The following SPATA6L variants were observed in gnomAD, a reference collection of about 807,000 sequenced individuals.
SPATA6L encodes spermatogenesis associated 6 like, also known as spermatogenesis associated 6-like protein.
Under a neutral mutation model 49.2 loss-of-function variants are expected in SPATA6L, and 68 were observed. The ratio of observed to expected loss-of-function variants is 1.38; its 90% CI spans 1.14 to 1.69. SPATA6L has a LOEUF of 1.69. Ranked by LOEUF, SPATA6L falls within the 40% of genes most tolerant of loss-of-function variation. The pLI is 0.00. For synonymous variants in SPATA6L, 198 were observed against 165.7 expected (o/e 1.19, Z -1.50); for missense variants, 668 against 464.3 (o/e 1.44, Z -4.03).
At position 4,600,111 on chromosome 9, in the gene SPATA6L, T is replaced by C. The variant is rs917795485; in HGVS notation, c.*700A>G. On this transcript the variant is annotated 3_prime_UTR_variant, in exon 12 of 12. Coordinates refer to ENST00000682582, the MANE Select transcript of SPATA6L (RefSeq NM_001353486.2). ...ATGTGTAGTTCTTTTGGAGAAATAT[T>C]TGAGGAAGGTTTTGTTCCTCATCTA... Among the ~76,000 whole-genome samples, 1 of 152,160 alleles carries C rather than the reference T, an allele frequency of 6.6e-6. No homozygotes were observed. The highest frequency in any genetic ancestry group is 2.4e-5 in the African/African-American group (1 of 41,414).
chr9:4,650,770 C>T (rs1836638976), intron 3 of SPATA6L, among the ~76,000 whole-genome samples: 1 of 151,734 alleles, frequency 6.6e-6, no homozygotes, highest in Non-Finnish European at 1.5e-5. Context: ...AGCAATTCTT[C>T]CACTTCACCC....
intron 3 of SPATA6L, among the ~76,000 whole-genome samples, chr9:4,652,196 G>C (rs1564308188): frequency 6.6e-6 from 1 of 152,112 alleles, no homozygotes; most frequent in African/African-American, 2.4e-5. Context: ...CAAGGCAGGA[G>C]GATCACCTGA....
intron 11 of SPATA6L, among the ~76,000 whole-genome samples, chr9:4,602,968 T>C (rs948939930): frequency 3.9e-5 from 6 of 152,136 alleles, no homozygotes; most frequent in Non-Finnish European, 8.8e-5. Flanking sequence ...TCAGGCCGCA[T>C]GTCATAAGGA....
intron 11 of SPATA6L, 47 bp downstream of exon 11, chr9:4,604,132 C>T (rs1236330534): frequency 7.7e-7 from 1 of 1,302,418 alleles, no homozygotes; most frequent in Admixed American, 2.1e-5. Flanking sequence ...TTTAGCAAAC[C>T]AAGATAAGGA....
intron 13 of SPATA6L, among the ~76,000 whole-genome samples, chr9:4,591,792 T>C (rs534466189): frequency 1.3e-4 from 20 of 152,220 alleles, no homozygotes; most frequent in Non-Finnish European, 2.8e-4. Flanking sequence ...CAAGGATATT[T>C]AGTCTGCTTT....
At chr9:4,628,648 T>C (rs1830810153) in intron 5 of SPATA6L, 1 of 157,472 alleles carries the variant, frequency 6.4e-6, no homozygotes, top group Non-Finnish European at 1.4e-5. Flanking sequence ...GGTTTCACCA[T>C]GTTGCCCAGG....
intron 3 of SPATA6L, among the ~76,000 whole-genome samples, chr9:4,654,317 G>A (rs1431118224): frequency 2.6e-5 from 4 of 152,202 alleles, no homozygotes; most frequent in African/African-American, 7.2e-5. Context: ...CAGGACGTGC[G>A]ATGGGGGTGT....
chr9:4,636,178 T>C (rs1416802205), intron 3 of SPATA6L, among the ~76,000 whole-genome samples: 1 of 151,970 alleles, frequency 6.6e-6, no homozygotes, highest in Non-Finnish European at 1.5e-5. Flanking sequence ...CAAGGAACAA[T>C]TGTATTTTGT....
intron 9 of SPATA6L, among the ~76,000 whole-genome samples, chr9:4,608,969 C>A (rs2130208806): frequency 6.6e-6 from 1 of 151,928 alleles, no homozygotes; most frequent in Admixed American, 6.5e-5. Flanking sequence ...GGGATATCAC[C>A]ACCGATCCCA....
chr9:4,618,171 G>A lies in SPATA6L; in HGVS notation c.808-61C>T, dbSNP rs546799118. 62 of 1,452,106 alleles carry A rather than the reference G, an allele frequency of 4.3e-5. No homozygotes were observed. In the African/African-American group the frequency reaches 8.1e-4, roughly 19 times the overall value. The allele number at this position is 1,452,106 out of a possible 1,614,324, so 90.0% of individuals were successfully genotyped here. On this transcript the variant is annotated intron_variant, in intron 8 of 11. Coordinates refer to ENST00000682582, the MANE Select transcript of SPATA6L (RefSeq NM_001353486.2). ...GCTTCTGTTTGCTTAATTTAGAGCT[G>A]GGGGTGGGGGTTGGACAAGGAAGAT...
At chr9:4,621,059 AT>A (rs1829185475) in intron 7 of SPATA6L, among the ~76,000 whole-genome samples, 1 of 152,238 alleles carries the variant, frequency 6.6e-6, no homozygotes, top group Non-Finnish European at 1.5e-5. Flanking sequence ...GTCCCTTAAA[AT>A]GTAAACCTTT....
intron 9 of SPATA6L, among the ~76,000 whole-genome samples, chr9:4,605,783 A>T (rs1824659193): frequency 6.6e-6 from 1 of 152,228 alleles, no homozygotes; most frequent in South Asian, 2.1e-4. Context: ...TTAATATAAA[A>T]TTTAAATCCG....
rs1391625422 is a variant in SPATA6L, at chr9:4,662,514, C to T, written c.40-478G>A. The T allele has an allele frequency of 3.8e-6, 6 of 1,559,454 alleles. No homozygotes were observed. Among genetic ancestry groups the T allele is most frequent in the Non-Finnish European group, 5.2e-6 (6 of 1,162,180 alleles). On this transcript the variant is annotated intron_variant, in intron 1 of 11. Transcript: ENST00000682582. This position sits in a 1 kb window ranked among gnomAD's most constrained non-coding sequence, Gnocchi z 4.9. ...TGAGTTCCAGTCCCTGCTCAGCAGCCGCGCCACGGCCGTGGACCCCACCTG... is the reference window on the plus strand; with the variant it reads ...TGAGTTCCAGTCCCTGCTCAGCAGCTGCGCCACGGCCGTGGACCCCACCTG...
intron 1 of SPATA6L, chr9:4,664,338 G>C (rs936844627): frequency 6.0e-6 from 1 of 166,908 alleles, no homozygotes; most frequent in African/African-American, 2.4e-5. Context: ...GTATATACCT[G>C]TATGCTACAG....
rs765775167 is a variant in SPATA6L at position 4,662,367 on chromosome 9, C to G, written c.40-331G>C. On this transcript the variant is annotated intron_variant, in intron 1 of 11. Coordinates refer to ENST00000682582, the MANE Select transcript of SPATA6L (RefSeq NM_001353486.2). This position sits in a 1 kb window ranked among gnomAD's most constrained non-coding sequence, Gnocchi z 4.9. ...CGGCCAGGTCCCGGGATCCGGGCCG[C>G]CAGCTGCGATGCCAAGTCCCCGGAG... The G allele has an allele frequency of 1.3e-6, 2 of 1,500,322 alleles. No homozygotes were observed. The highest frequency in any genetic ancestry group is 1.8e-6 in the Non-Finnish European group (2 of 1,132,698). 92.9% of individuals were successfully genotyped at this position (1,500,322 alleles called of 1,614,324 possible).
At chr9:4,615,923 G>A (rs375477879) in intron 9 of SPATA6L, among the ~76,000 whole-genome samples, 24 of 152,254 alleles carry the variant, frequency 1.6e-4, no homozygotes, top group East Asian at 1.5e-3. Flanking sequence ...GAAGCACTTT[G>A]TGGCTGTATG....
intron 7 of SPATA6L, among the ~76,000 whole-genome samples, chr9:4,619,226 C>T (rs191109706): frequency 8.2e-4 from 120 of 145,534 alleles, no homozygotes; most frequent in Non-Finnish European, 1.5e-3. Flanking sequence ...GGCACAATCT[C>T]GGCTCACTGC....
At chr9:4,648,714 T>TAAATAAATAAATAAATCAATAAA (rs60168646) in intron 3 of SPATA6L, among the ~76,000 whole-genome samples, 1 of 145,118 alleles carries the variant, frequency 6.9e-6, no homozygotes, top group African/African-American at 2.7e-5. Flanking sequence ...AATAAATAAA[T>TAAATAAATAAATAAATCAATAAA]TAAATAAATA....
At chr9:4,645,992 C>A (rs887081969) in intron 3 of SPATA6L, among the ~76,000 whole-genome samples, 14 of 152,090 alleles carry the variant, frequency 9.2e-5, no homozygotes, top group African/African-American at 3.4e-4. Context: ...TGATTTAAAT[C>A]GCAATAAAAA....
Sources: allele counts gnomAD v4.1 joint callset (sites outside exome capture counted in the v4.1 genomes callset), GRCh38; gene constraint gnomAD v4.1.1; non-coding constraint Gnocchi (gnomAD v3.1); transcripts MANE v1.5; gene names NCBI Gene and HGNC (gene_info 2026-07-23, HGNC 2026-07-21).